Variants in TMEM176A observed in about 807,000 individuals in gnomAD.
TMEM176A encodes the protein transmembrane protein 176A, also known as hepatocellular carcinoma-associated antigen 112.
Under a neutral mutation model 27.9 loss-of-function variants are expected in TMEM176A, and 20 were observed. That is an observed-to-expected ratio of 0.72 (90% CI 0.50 to 1.04). The LOEUF is 1.04. TMEM176A is among the 50% of genes least tolerant of loss of function. TMEM176A has a pLI of 0.00. For missense variants in TMEM176A, 252 were observed against 289.1 expected, an observed-to-expected ratio of 0.87 and a Z score of 0.93; for synonymous variants, 125 against 118.0, an observed-to-expected ratio of 1.06 and a Z score of -0.38.
Position 150,804,482 on chromosome 7 carries a change from T to C in TMEM176A, c.666+10T>C, listed in dbSNP as rs1798880184. 1 of 1,605,078 alleles carries C rather than the reference T, an allele frequency of 6.2e-7. No individual in the cohort carries two copies. Among genetic ancestry groups the C allele is most frequent in the Non-Finnish European group, 8.5e-7 (1 of 1,171,876 alleles). ...GTTCCCAACCAAAGGGGTGAGTCCC[T>C]AAGGTGTGTGCCTGTGTATTTGGGG... is the stretch of plus-strand genomic sequence containing the variant. On this transcript the variant is annotated intron_variant, in intron 6 of 6. Coordinates refer to ENST00000004103, the MANE Select transcript of TMEM176A (RefSeq NM_018487.3).
chr7:150,804,937 G>A lies in TMEM176A; in HGVS notation c.*69G>A. The A allele has an allele frequency of 1.9e-6, 3 of 1,539,620 alleles. No homozygotes were observed. In the South Asian group the frequency reaches 3.3e-5, roughly 17 times the overall value. The stretch of plus-strand genomic sequence containing the variant: ...GCGTCCCTGCATCTGACTGCTGGAA[G>A]AAGAACCAGACTGAGGAAAAGAGGC... On this transcript the variant is annotated 3_prime_UTR_variant, in exon 7 of 7. Transcript: ENST00000004103.
chr7:150,801,080 G>T, intron 1 of TMEM176A: 1 of 805,468 alleles, frequency 1.2e-6, no homozygotes, highest in Non-Finnish European at 1.5e-6. Context: ...GGAGGTCGGC[G>T]GTGGCGGGGA....
chr7:150,802,939 T>C, intron 3 of TMEM176A: 1 of 989,662 alleles, frequency 1.0e-6, no homozygotes. Flanking sequence ...ACCTGTCCAC[T>C]GGGACATACT....
In TMEM176A at chr7:150,802,608, G is replaced by C. The variant is rs779997753; in HGVS notation, c.285+283G>C. The C allele has an allele frequency of 2.9e-5, 25 of 874,660 alleles. No individual in the cohort carries two copies. The South Asian group carries it at 6.5e-4, about 23-fold the overall frequency. The allele number at this position is 874,660 out of a possible 1,614,324, so 54.2% of individuals were successfully genotyped here. ...ATGTCAACTAAGGATCTAAGGACCTGCTCATCTCCAGATACTTGCATTGAG... is the reference window on the plus strand; with the variant it reads ...ATGTCAACTAAGGATCTAAGGACCTCCTCATCTCCAGATACTTGCATTGAG... On this transcript the variant is annotated intron_variant, in intron 3 of 6. Transcript: ENST00000004103.
chr7:150,802,357 G>A (rs1442960884), intron 3 of TMEM176A, 32 bp downstream of exon 3: 1 of 1,585,048 alleles, frequency 6.3e-7, no homozygotes, highest in Admixed American at 1.7e-5. Flanking sequence ...TTGACTGCCT[G>A]TGAGAGGGGT....
chr7:150,804,872 T>A lies in TMEM176A; in HGVS notation c.*4T>A. On this transcript the variant is annotated 3_prime_UTR_variant, in exon 7 of 7. Coordinates refer to ENST00000004103, the MANE Select transcript of TMEM176A (RefSeq NM_018487.3). ...GTTGGAAGTGAGTGGAATCTAGCCA[T>A]GCCTCTCCTGATTATTAGTGCCTGG... is the stretch of plus-strand genomic sequence containing the variant. 8.1e-6 allele frequency: 13 copies of A among 1,614,172 alleles called. No homozygotes were observed. Among genetic ancestry groups the A allele is most frequent in the Non-Finnish European group, 1.1e-5 (13 of 1,180,002 alleles).
intron 3 of TMEM176A, chr7:150,803,097 C>A: frequency 9.3e-7 from 1 of 1,079,520 alleles, no homozygotes; most frequent in Non-Finnish European, 1.1e-6. Context: ...AGGATCCCAC[C>A]ATCCCTAGAA....
intron 2 of TMEM176A, 102 bp downstream of exon 2, chr7:150,801,826 A>G: frequency 1.7e-6 from 2 of 1,145,436 alleles, no homozygotes; most frequent in South Asian, 3.2e-5. Context: ...ACACCGAGCC[A>G]GTTATGTCTT....
In TMEM176A at chr7:150,801,591, C is replaced by T. The variant is rs768829524; in HGVS notation, c.41C>T (p.Pro14Leu). ...AGTGATGAGATGGCCCCGGAGGCCC[C>T]ACAGCACACCCACATCGATGTGCAC... ...ADSDEMAPEA[P>L]QHTHIDVHIH... is the part of the protein sequence containing the mutation. Residue 14 changes from proline to leucine, a missense_variant, in exon 2 of 7, where the codon CCA (proline) becomes CTA (leucine). Transcript: ENST00000004103. 1.4e-5 allele frequency: 22 copies of T among 1,612,636 alleles called. No individual in the cohort carries two copies. The highest frequency in any genetic ancestry group is 3.4e-5 in the Admixed American group (2 of 59,652).
At chr7:150,803,239 G>T (rs1266995338) in intron 3 of TMEM176A, 161 bp from the exon 4 acceptor site, 2 of 1,368,166 alleles carry the variant, frequency 1.5e-6, no homozygotes, top group African/African-American at 3.0e-5. Context: ...TTGGATCCAG[G>T]CTCCACCCTC....
At chr7:150,801,515 C>G (rs372326459) in intron 1 of TMEM176A, 21 bp from the exon 2 acceptor site, 114 of 1,554,754 alleles carry the variant, frequency 7.3e-5, no homozygotes, top group Middle Eastern at 5.2e-4. Context: ...CCGTTCCTCT[C>G]TGGTGCTCCC....
At chr7:150,804,549 G>A (rs905473533) in intron 6 of TMEM176A, 77 bp downstream of exon 6, 17 of 1,301,070 alleles carry the variant, frequency 1.3e-5, no homozygotes, top group Non-Finnish European at 1.9e-5. Flanking sequence ...ACAGTGGACA[G>A]TTTGGGGAGG....
Position 150,801,717 on chromosome 7 carries a change from C to A in TMEM176A, c.167C>A (p.Ala56Asp). The A allele has an allele frequency of 6.5e-7, 1 of 1,535,464 alleles. No homozygotes were observed. The highest frequency in any genetic ancestry group is 8.7e-7 in the Non-Finnish European group (1 of 1,151,196). The change falls in exon 2 of 7, where the codon GCC becomes GAC. Residue 56 changes from alanine (A) to aspartate (D), a missense_variant. Coordinates refer to ENST00000004103, the MANE Select transcript of TMEM176A (RefSeq NM_018487.3). ...QARGSSRLLV[A>D]SWVMQIVLGI... ...AGGGGCAGCAGCCGGCTGCTGGTGG[C>A]CTCGTGGGTGAGTGTGACGGCCTGC... is the stretch of plus-strand genomic sequence containing the variant.
rs1798752524 is a variant in TMEM176A at position 150,800,804 on chromosome 7, C to T, written c.-40C>T. 18 of 500,018 alleles carry T rather than the reference C, an allele frequency of 3.6e-5. No individual in the cohort carries two copies. Among genetic ancestry groups the T allele is most frequent in the Non-Finnish European group, 4.4e-5 (17 of 386,818 alleles). The allele number at this position is 500,018 out of a possible 1,614,324, so 31.0% of individuals were successfully genotyped here. ...CCAGCGCCCCAGCCCTCCCGCCGCC[C>T]GCTCGCAGGTCCCGAGGAGCGCAGG... On this transcript the variant is annotated 5_prime_UTR_variant, in exon 1 of 7. Coordinates refer to ENST00000004103, the MANE Select transcript of TMEM176A (RefSeq NM_018487.3).
chr7:150,802,129 TC>T (rs1463877984), intron 2 of TMEM176A, 85 bp from the exon 3 acceptor site: 2 of 935,762 alleles, frequency 2.1e-6, no homozygotes, highest in African/African-American at 3.4e-5. Context: ...TCTCTACCTC[TC>T]CCTCTCTTTT....
rs775201272 is a variant in TMEM176A, at chr7:150,803,492, T to C, written c.342+36T>C. Reference sequence around the variant, plus strand: ...GGAAGGGCATGGGAGGGGACCAGGTTCAGGCTGGAGGTCACCCCAATCTCC... The same window carrying C: ...GGAAGGGCATGGGAGGGGACCAGGTCCAGGCTGGAGGTCACCCCAATCTCC... On this transcript the variant is annotated intron_variant, in intron 4 of 6. Coordinates refer to ENST00000004103, the MANE Select transcript of TMEM176A (RefSeq NM_018487.3). 15 of 1,575,476 alleles carry C rather than the reference T, an allele frequency of 9.5e-6. No homozygotes were observed. In the East Asian group the frequency reaches 3.4e-4, roughly 35 times the overall value.
intron 3 of TMEM176A, chr7:150,803,190 T>G: frequency 7.6e-7 from 1 of 1,307,970 alleles, no homozygotes; most frequent in Non-Finnish European, 9.7e-7. Context: ...CACAAGCTCT[T>G]AGGTGTCACT....
At chr7:150,804,626 GC>G (rs1798884967) in intron 6 of TMEM176A, 154 bp downstream of exon 6, 2 of 862,674 alleles carry the variant, frequency 2.3e-6, no homozygotes, top group Admixed American at 2.3e-5. Context: ...TGGTGGCCCA[GC>G]CCAGAAAGCC....
rs767539168 is a variant in TMEM176A, at chr7:150,802,294, C to T, written c.254C>T (p.Thr85Ile). ...ATCCGCGACTACACCCTCCTCGTCA[C>T]CTCGGGAGCTGCCATCTGGACAGGG... ...FYIRDYTLLV[T>I]SGAAIWTGAV... The change falls in exon 3 of 7, where the codon ACC becomes ATC. Residue 85 changes from threonine to isoleucine, a missense_variant. Coordinates refer to ENST00000004103, the MANE Select transcript of TMEM176A (RefSeq NM_018487.3). 4 of 1,614,026 alleles carry T rather than the reference C, an allele frequency of 2.5e-6. No individual in the cohort carries two copies. The highest frequency in any genetic ancestry group is 1.6e-4 in the Middle Eastern group (1 of 6,084).
Sources: allele counts gnomAD v4.1 joint callset, GRCh38; gene constraint gnomAD v4.1.1; transcripts MANE v1.5; gene names NCBI Gene and HGNC (gene_info 2026-07-23, HGNC 2026-07-21).